The following SH2B2 variants were observed in gnomAD, a reference collection of about 807,000 sequenced individuals.
SH2B2 encodes the protein SH2B adapter protein 2.
A neutral mutation model predicts 35.7 loss-of-function variants in SH2B2; 37 were observed. The ratio of observed to expected loss-of-function variants is 1.04; its 90% CI spans 0.80 to 1.36. SH2B2 has a LOEUF of 1.36. Among genes scored for constraint, SH2B2 ranks in the 40% most tolerant of loss-of-function variants. The pLI, the probability that SH2B2 is intolerant of heterozygous loss-of-function variation, is 0.00. For synonymous variants in SH2B2, 383 were observed against 376.4 expected (o/e 1.02, Z -0.20); for missense variants, 852 against 817.7 (o/e 1.04, Z -0.51).
intron 6 of SH2B2, among the ~76,000 whole-genome samples, chr7:102,316,052 G>C (rs1793817708): frequency 6.6e-6 from 1 of 151,998 alleles, no homozygotes; most frequent in Non-Finnish European, 1.5e-5. Flanking sequence ...AGCCAAGGCA[G>C]GAGGATCGTT....
intron 6 of SH2B2, among the ~76,000 whole-genome samples, chr7:102,315,041 T>A (rs1045638335): frequency 7.2e-5 from 11 of 151,842 alleles, no homozygotes; most frequent in Non-Finnish European, 1.2e-4. Flanking sequence ...ATATAAAAAT[T>A]AGCTGGGTGT....
intron 4 of SH2B2, among the ~76,000 whole-genome samples, chr7:102,313,666 G>A (rs1793708914): frequency 6.6e-6 from 1 of 152,114 alleles, no homozygotes; most frequent in South Asian, 2.1e-4. Flanking sequence ...TGTAATCCCA[G>A]CATTTTTGGA....
intron 1 of SH2B2, among the ~76,000 whole-genome samples, chr7:102,300,200 T>G (rs537308928): frequency 6.6e-6 from 1 of 152,342 alleles, no homozygotes; most frequent in Non-Finnish European, 1.5e-5. Flanking sequence ...CGGCTAATTT[T>G]TGTATTTTTA....
chr7:102,309,822 G>A (rs111987534), intron 4 of SH2B2, among the ~76,000 whole-genome samples: 6,433 of 152,230 alleles, frequency 0.042, 455 homozygotes, highest in African/African-American at 0.15. Flanking sequence ...ATGGGAGAGG[G>A]CAGAGAGAAA....
chr7:102,289,464 G>T (rs975132160), intron 1 of SH2B2, among the ~76,000 whole-genome samples: 1 of 152,172 alleles, frequency 6.6e-6, no homozygotes, highest in Non-Finnish European at 1.5e-5. Context: ...CTGAGGCTCT[G>T]TGCAGAGGAC....
At chr7:102,315,744 GAAAAAA>G (rs61456197) in intron 6 of SH2B2, among the ~76,000 whole-genome samples, 5 of 90,588 alleles carry the variant, frequency 5.5e-5, no homozygotes, top group Admixed American at 1.6e-4. Context: ...CCTGTGAAAA[GAAAAAA>G]AAAAAAAAAA....
chr7:102,320,124 G>A (rs1238322077), intron 7 of SH2B2, among the ~76,000 whole-genome samples: 1 of 152,160 alleles, frequency 6.6e-6, no homozygotes, highest in Non-Finnish European at 1.5e-5. Flanking sequence ...CCCAGCATGG[G>A]GACAATGCCT....
chr7:102,302,029 T>G (rs1793215176), intron 2 of SH2B2, among the ~76,000 whole-genome samples: 1 of 152,168 alleles, frequency 6.6e-6, no homozygotes, highest in African/African-American at 2.4e-5. Context: ...CAGCTAATGT[T>G]TTTTATTTTT....
At chr7:102,301,415 A>T (rs1793186369) in intron 2 of SH2B2, 136 bp downstream of exon 2, 1 of 1,108,574 alleles carries the variant, frequency 9.0e-7, no homozygotes, top group Non-Finnish European at 1.2e-6. Context: ...TGGTGCCAGG[A>T]CCCTGGGAGG....
chr7:102,299,004 T>C (rs1190355719), intron 1 of SH2B2, among the ~76,000 whole-genome samples: 8 of 135,936 alleles, frequency 5.9e-5, no homozygotes, highest in Admixed American at 8.0e-5. Context: ...CACTGCAAGC[T>C]CCGCCTCCGA....
At chr7:102,294,453 C>T (rs1792823150) in intron 1 of SH2B2, among the ~76,000 whole-genome samples, 1 of 152,202 alleles carries the variant, frequency 6.6e-6, no homozygotes, top group South Asian at 2.1e-4. Context: ...TCCCGCCCTG[C>T]CCATGCCTGC....
rs970796205 is a variant in SH2B2, at chr7:102,319,125, G to A, written c.1396-1206G>A. ...TCCAGCTTACATACCTCCTGGGAGG[G>A]AAGATCACTACCTTCCCAGAGGCAA... On this transcript the variant is annotated intron_variant, in intron 7 of 8. Transcript: ENST00000444095. Among the ~76,000 whole-genome samples, 9 of 152,154 alleles carry A rather than the reference G, an allele frequency of 5.9e-5. No homozygotes were observed. The South Asian group carries it at 1.7e-3, about 28-fold the overall frequency.
chr7:102,295,810 A>G (rs960054846), intron 1 of SH2B2, among the ~76,000 whole-genome samples: 2 of 152,138 alleles, frequency 1.3e-5, no homozygotes, highest in Non-Finnish European at 1.5e-5. Flanking sequence ...AGCACGGGGC[A>G]GGGAAAAGGT....
intron 2 of SH2B2, among the ~76,000 whole-genome samples, chr7:102,304,388 C>G (rs1172824344): frequency 6.6e-6 from 1 of 152,154 alleles, no homozygotes; most frequent in East Asian, 1.9e-4. Context: ...GCCCTGGGGA[C>G]CCAAGGAACA....
rs782289208 is a variant in SH2B2 at position 102,317,191 on chromosome 7, A to C, written c.1191A>C (p.Glu397Asp). The change falls in exon 7 of 9, where the codon GAA becomes GAC. Residue 397 changes from glutamate (E) to aspartate (D), a missense_variant. Transcript: ENST00000444095. The stretch of plus-strand genomic sequence containing the variant: ...ACACTGTCATCCCCACCTCAGGGGA[A>C]CAGGGTGCAGAGACGGATCCCGAGG... ...GSGSDSNNTG[E>D]QGAETDPEAE... The C allele has an allele frequency of 1.3e-6, 2 of 1,596,364 alleles. No homozygotes were observed. Among genetic ancestry groups the C allele is most frequent in the African/African-American group, 2.7e-5 (2 of 74,712 alleles).
Position 102,321,293 on chromosome 7 carries a change from TTGCAGAGCCGGGCCCCACG to T in SH2B2, c.1568-5_1581del. 7.2e-7 allele frequency: 1 copy of T among 1,379,684 alleles called. No homozygotes were observed. Among genetic ancestry groups the T allele is most frequent in the Non-Finnish European group, 9.3e-7 (1 of 1,072,650 alleles). The allele number at this position is 1,379,684 out of a possible 1,614,324, so 85.5% of individuals were successfully genotyped here. A position where few individuals can be genotyped will look rare whatever the true frequency, so the allele number is the denominator to read the frequency against. On this transcript the variant is annotated splice_acceptor_variant and splice_polypyrimidine_tract_variant and coding_sequence_variant and intron_variant, in exon 9 of 9. Coordinates refer to ENST00000444095, the MANE Select transcript of SH2B2 (RefSeq NM_001359228.2). LOFTEE classifies it high-confidence loss of function. ...CCACTCACGCCCTGCCGTCGCCTTG[TTGCAGAGCCGGGCCCCACG>T]CCCCCTGCCGCGCCCGCGTCCCCGG...
At chr7:102,293,339 G>C (rs959248980) in intron 1 of SH2B2, among the ~76,000 whole-genome samples, 58 of 151,474 alleles carry the variant, frequency 3.8e-4, no homozygotes, top group Middle Eastern at 3.4e-3. Flanking sequence ...TGGGTTGCTG[G>C]TCGTGGGGTT....
chr7:102,290,169 G>GC (rs1421701633), intron 1 of SH2B2, among the ~76,000 whole-genome samples: 3 of 140,524 alleles, frequency 2.1e-5, no homozygotes, highest in Non-Finnish European at 4.5e-5. Context: ...TTCCCACTCT[G>GC]CCCTTGGAAG....
chr7:102,291,160 G>A (rs1394496525), intron 1 of SH2B2, among the ~76,000 whole-genome samples: 1 of 152,226 alleles, frequency 6.6e-6, no homozygotes, highest in Non-Finnish European at 1.5e-5. Flanking sequence ...GGGAACAACT[G>A]TCAAAGGCAA....
Sources: allele counts gnomAD v4.1 joint callset (sites outside exome capture counted in the v4.1 genomes callset), GRCh38; gene constraint gnomAD v4.1.1; transcripts MANE v1.5; gene names NCBI Gene and HGNC (gene_info 2026-07-23, HGNC 2026-07-21).